The following RAB3C variants were observed in gnomAD, a reference collection of about 807,000 sequenced individuals.
RAB3C encodes RAB3C, member RAS oncogene family, also known as ras-related protein Rab-3C.
A neutral mutation model predicts 26.4 loss-of-function variants in RAB3C; 17 were observed. The ratio of observed to expected loss-of-function variants is 0.64; its 90% CI spans 0.44 to 0.97. The LOEUF is 0.97. RAB3C is among the 50% of genes least tolerant of loss of function. RAB3C has a pLI of 0.00. For synonymous variants in RAB3C, 91 were observed against 95.9 expected (o/e 0.95, Z 0.30); for missense variants, 242 against 281.9 (o/e 0.86, Z 1.01).
chr5:58,796,434 G>A lies in RAB3C; in HGVS notation c.372-28604G>A, dbSNP rs142588797. 5.9e-5 allele frequency among the ~76,000 whole-genome samples: 9 copies of A among 152,280 alleles called. No homozygotes were observed. The East Asian group carries it at 1.5e-3, about 26-fold the overall frequency. On this transcript the variant is annotated intron_variant, in intron 3 of 4. Coordinates refer to ENST00000282878, the MANE Select transcript of RAB3C (RefSeq NM_138453.4). ...TGGAGGTTATAATCCACCACCCAGA[G>A]TGGTGGAGAAGACTAAGTGAATAAT...
At chr5:58,810,385 C>CTCTCTT (rs879294409) in intron 3 of RAB3C, among the ~76,000 whole-genome samples, 2 of 146,912 alleles carry the variant, frequency 1.4e-5, no homozygotes, top group Non-Finnish European at 3.0e-5. Context: ...CTCTCTCTCT[C>CTCTCTT]TGTGTGTGTG....
Position 58,754,498 on chromosome 5 carries a change from C to T in RAB3C, c.371+28378C>T, listed in dbSNP as rs184998751. ...ACTCAGCGTGAATATGGATACAGCC[C>T]AGGGCCAGTTTAGTAAGGAGGACAG... On this transcript the variant is annotated intron_variant, in intron 3 of 4. Coordinates refer to ENST00000282878, the MANE Select transcript of RAB3C (RefSeq NM_138453.4). Among the ~76,000 whole-genome samples the T allele has an allele frequency of 2.0e-5, 3 of 152,206 alleles. No homozygotes were observed. The East Asian group carries it at 5.8e-4, about 30-fold the overall frequency.
chr5:58,698,828 A>G (rs1197854257), intron 2 of RAB3C, among the ~76,000 whole-genome samples: 1 of 152,090 alleles, frequency 6.6e-6, no homozygotes, highest in African/African-American at 2.4e-5. Flanking sequence ...CATTCGCCTA[A>G]TCTTTTTTCA....
At chr5:58,756,052 T>C (rs1157953406) in intron 3 of RAB3C, among the ~76,000 whole-genome samples, 1 of 151,766 alleles carries the variant, frequency 6.6e-6, no homozygotes, top group Non-Finnish European at 1.5e-5. Flanking sequence ...GTTGCAAATA[T>C]AAAAAGAGTG....
chr5:58,829,388 T>G (rs1743563227), intron 4 of RAB3C, among the ~76,000 whole-genome samples: 1 of 103,674 alleles, frequency 9.6e-6, no homozygotes, highest in Non-Finnish European at 2.2e-5. Flanking sequence ...AAAGATAGAT[T>G]TTCCTAAAAT....
chr5:58,711,202 T>G (rs983521058), intron 2 of RAB3C, among the ~76,000 whole-genome samples: 1 of 152,204 alleles, frequency 6.6e-6, no homozygotes, highest in African/African-American at 2.4e-5. Flanking sequence ...ATATCTTTAT[T>G]TTCTCTTCTC....
At chr5:58,591,563 G>T (rs1182201786) in intron 1 of RAB3C, among the ~76,000 whole-genome samples, 1 of 148,018 alleles carries the variant, frequency 6.8e-6, no homozygotes, top group Non-Finnish European at 1.5e-5. Flanking sequence ...AGACACTCTT[G>T]CCTTCTTAAT....
At chr5:58,609,310 T>G (rs1746642121) in intron 1 of RAB3C, among the ~76,000 whole-genome samples, 1 of 152,128 alleles carries the variant, frequency 6.6e-6, no homozygotes, top group Non-Finnish European at 1.5e-5. Flanking sequence ...ACATTTTACC[T>G]TCAGGAGCCC....
Position 58,616,010 on chromosome 5 carries a change from A to ACC in RAB3C, c.25-1630_25-1629dup, listed in dbSNP as rs1554044330. 1.7e-4 allele frequency among the ~76,000 whole-genome samples: 26 copies of ACC among 149,596 alleles called. No individual in the cohort carries two copies. The East Asian group carries it at 4.1e-3, about 24-fold the overall frequency. On this transcript the variant is annotated intron_variant, in intron 1 of 4. Coordinates refer to ENST00000282878, the MANE Select transcript of RAB3C (RefSeq NM_138453.4). ...GACACACACACACACACACACACACACCCCTGACTTCAGGTAACCAGTGTT... is the reference window on the plus strand; with the variant it reads ...GACACACACACACACACACACACACACCCCCCTGACTTCAGGTAACCAGTGTT...
At chr5:58,803,888 G>A (rs1213122190) in intron 3 of RAB3C, among the ~76,000 whole-genome samples, 4 of 151,796 alleles carry the variant, frequency 2.6e-5, no homozygotes, top group Non-Finnish European at 4.4e-5. Flanking sequence ...GTGAAACCCC[G>A]TCTCTACTAA....
At chr5:58,727,601 A>G (rs1740920066) in intron 3 of RAB3C, among the ~76,000 whole-genome samples, 1 of 152,040 alleles carries the variant, frequency 6.6e-6, no homozygotes. Context: ...TGATGATAAA[A>G]GTAGCATTCA....
chr5:58,782,699 G>C (rs1742297190), intron 3 of RAB3C, among the ~76,000 whole-genome samples: 1 of 152,052 alleles, frequency 6.6e-6, no homozygotes, highest in Middle Eastern at 3.2e-3. Flanking sequence ...CACTGTATTT[G>C]AGAATTCTAC....
chr5:58,688,321 C>A (rs1748490820), intron 2 of RAB3C, among the ~76,000 whole-genome samples: 2 of 152,190 alleles, frequency 1.3e-5, no homozygotes, highest in African/African-American at 4.8e-5. Flanking sequence ...CATGGCATAA[C>A]CTTACCTCTC....
chr5:58,700,650 T>A (rs1484338470), intron 2 of RAB3C, among the ~76,000 whole-genome samples: 2 of 152,250 alleles, frequency 1.3e-5, no homozygotes, highest in Non-Finnish European at 2.9e-5. Context: ...TTGTAGTTTA[T>A]GAACCACTTT....
intron 1 of RAB3C, among the ~76,000 whole-genome samples, chr5:58,596,382 C>T (rs1051525486): frequency 1.1e-4 from 16 of 147,976 alleles, no homozygotes; most frequent in African/African-American, 4.0e-4. Flanking sequence ...CTACTTCTCT[C>T]TGTCTATAAA....
At chr5:58,761,899 C>T (rs1741804089) in intron 3 of RAB3C, among the ~76,000 whole-genome samples, 1 of 151,560 alleles carries the variant, frequency 6.6e-6, no homozygotes, top group African/African-American at 2.4e-5. Flanking sequence ...TTTTATTTTT[C>T]TCTAGCATAG....
chr5:58,635,849 G>A (rs1040939931), intron 2 of RAB3C, among the ~76,000 whole-genome samples: 8 of 152,252 alleles, frequency 5.3e-5, no homozygotes, highest in East Asian at 1.9e-4. Context: ...TGGACAACGC[G>A]TGGTGTTTGG....
At chr5:58,702,942 A>G (rs1748877557) in intron 2 of RAB3C, among the ~76,000 whole-genome samples, 1 of 152,226 alleles carries the variant, frequency 6.6e-6, no homozygotes, top group South Asian at 2.1e-4. Context: ...GTTAACCTGG[A>G]TAGTGAGTAT....
chr5:58,740,035 G>T (rs1206735744), intron 3 of RAB3C, among the ~76,000 whole-genome samples: 2 of 152,140 alleles, frequency 1.3e-5, no homozygotes, highest in African/African-American at 4.8e-5. Context: ...GGGCTTTAAG[G>T]CCCTTTGCCC....
Sources: gnomAD v4.1 joint callset for allele counts (sites outside exome capture counted in the v4.1 genomes callset) on GRCh38, gnomAD v4.1.1 for gene constraint, MANE v1.5 for transcripts, NCBI Gene and HGNC (gene_info 2026-07-23, HGNC 2026-07-21) for gene names.